Variants in ASAP1 observed in about 807,000 individuals in gnomAD.
ASAP1 encodes the protein arf-GAP with SH3 domain, ANK repeat and PH domain-containing protein 1.
Under a neutral mutation model 145.2 loss-of-function variants are expected in ASAP1, and 43 were observed. The ratio of observed to expected loss-of-function variants is 0.30; its 90% CI spans 0.23 to 0.38. The LOEUF is 0.38. Ranked by LOEUF, ASAP1 falls within the 10% of genes least tolerant of loss-of-function variation. The pLI is 1.00. For synonymous variants in ASAP1, 546 were observed against 515.5 expected, an observed-to-expected ratio of 1.06 and a Z score of -0.80; for missense variants, 1,018 against 1,355.3, an observed-to-expected ratio of 0.75 and a Z score of 3.91.
intron 2 of ASAP1, among the ~76,000 whole-genome samples, chr8:130,396,352 T>C (rs1264544404): frequency 1.3e-5 from 2 of 152,204 alleles, no homozygotes; most frequent in East Asian, 3.8e-4. Flanking sequence ...CAGTCGCTGC[T>C]TAATAAATTT....
intron 2 of ASAP1, among the ~76,000 whole-genome samples, chr8:130,377,306 A>G (rs1827549256): frequency 6.6e-6 from 1 of 152,136 alleles, no homozygotes; most frequent in Admixed American, 6.5e-5. Context: ...GGGTGCACCA[A>G]AAGCTCACAA....
intron 11 of ASAP1, among the ~76,000 whole-genome samples, chr8:130,162,460 CAGGAAAATTACTCAATT>C (rs1298617757): frequency 2.0e-5 from 3 of 152,108 alleles, no homozygotes; most frequent in Non-Finnish European, 2.9e-5. Flanking sequence ...AACAAAATCA[CAGGAAAATTACTCAATT>C]ATGAATTTGG....
chr8:130,397,932 T>C lies in ASAP1; in HGVS notation c.59+3953A>G, dbSNP rs74907210. ...GTCATGTCTACAGCATGGACCTTTG[T>C]ATCCCAGGCATCCTAGCCAGGTTAC... is the stretch of plus-strand genomic sequence containing the variant. On this transcript the variant is annotated intron_variant, in intron 2 of 29. Transcript: ENST00000518721. 4.7e-4 allele frequency among the ~76,000 whole-genome samples: 71 copies of C among 152,374 alleles called. No homozygotes were observed. The East Asian group carries it at 0.011, about 24-fold the overall frequency.
rs530749285 is a variant in ASAP1 at position 130,318,768 on chromosome 8, T to G, written c.186+39249A>C. Among the ~76,000 whole-genome samples the G allele has an allele frequency of 3.9e-5, 6 of 152,236 alleles. No homozygotes were observed. In the South Asian group the frequency reaches 1.2e-3, roughly 32 times the overall value. ...TGTTCATCTAACTTCAAATATAGAC[T>G]AGACACTTAAAAAAGCGTTTCCCCT... is the stretch of plus-strand genomic sequence containing the variant. On this transcript the variant is annotated intron_variant, in intron 3 of 29. Coordinates refer to ENST00000518721, the MANE Select transcript of ASAP1 (RefSeq NM_018482.4).
intron 2 of ASAP1, among the ~76,000 whole-genome samples, chr8:130,386,292 C>T (rs1828012748): frequency 6.6e-6 from 1 of 152,184 alleles, no homozygotes; most frequent in Admixed American, 6.5e-5. Flanking sequence ...TCCTCTCTTA[C>T]CTAAGCCAGT....
intron 3 of ASAP1, among the ~76,000 whole-genome samples, chr8:130,340,301 G>A (rs1825295611): frequency 6.6e-6 from 1 of 152,300 alleles, no homozygotes; most frequent in African/African-American, 2.4e-5. Context: ...GAAGAAGACA[G>A]GGCTCTGCAG....
intron 2 of ASAP1, among the ~76,000 whole-genome samples, chr8:130,394,931 A>C (rs1450794570): frequency 2.6e-5 from 4 of 152,214 alleles, no homozygotes; most frequent in African/African-American, 9.6e-5. Flanking sequence ...CAGAACCAGG[A>C]GAGGAGCCTG....
chr8:130,283,608 A>C (rs1821404318), intron 3 of ASAP1, among the ~76,000 whole-genome samples: 1 of 139,552 alleles, frequency 7.2e-6, no homozygotes. Flanking sequence ...AAAAAAAAAA[A>C]AAAAAAGAAG....
intron 3 of ASAP1, among the ~76,000 whole-genome samples, chr8:130,256,112 G>A (rs1819497932): frequency 6.6e-6 from 1 of 152,188 alleles, no homozygotes; most frequent in Admixed American, 6.5e-5. Flanking sequence ...ACAGGGATGA[G>A]GTACCAACCT....
chr8:130,066,548 TTTTCTTTCTCATTC>T (rs2097431125), intron 27 of ASAP1, among the ~76,000 whole-genome samples: 1 of 152,160 alleles, frequency 6.6e-6, no homozygotes, highest in Non-Finnish European at 1.5e-5. Context: ...CTTCCCTTTC[TTTTCTTTCTCATTC>T]TTTCTTTCTT....
chr8:130,437,271 A>G (rs1020584258), intron 1 of ASAP1, among the ~76,000 whole-genome samples: 13 of 152,234 alleles, frequency 8.5e-5, no homozygotes, highest in Non-Finnish European at 1.8e-4. Context: ...GAGGAATAAC[A>G]TAGAGTCCCA....
chr8:130,077,649 G>T (rs1270312478), intron 26 of ASAP1, among the ~76,000 whole-genome samples: 1 of 145,920 alleles, frequency 6.9e-6, no homozygotes, highest in African/African-American at 2.5e-5. Context: ...GGGATCAAGC[G>T]ATTCTTGTGC....
intron 3 of ASAP1, among the ~76,000 whole-genome samples, chr8:130,334,436 G>A (rs1824905571): frequency 6.6e-6 from 1 of 152,168 alleles, no homozygotes; most frequent in Non-Finnish European, 1.5e-5. Context: ...TTCAGCTAGA[G>A]TTCAGAGACA....
chr8:130,071,060 C>T lies in ASAP1; in HGVS notation c.2701+5288G>A, dbSNP rs534418518. ...AGAGAGAGAGAGAAAGCAGAGTTTC[C>T]CCAAATCATCTAAGAAAAAAAAGTA... On this transcript the variant is annotated intron_variant, in intron 27 of 29. Transcript: ENST00000518721. Among the ~76,000 whole-genome samples, 66 of 112,356 alleles carry T rather than the reference C, an allele frequency of 5.9e-4. 1 individual carries two copies. Among genetic ancestry groups the T allele is most frequent in the Non-Finnish European group, 7.0e-4 (40 of 57,458 alleles). The allele number at this position is 112,356 out of a possible 152,430, so 73.7% of individuals were successfully genotyped here.
rs1344421937 is a variant in ASAP1 at position 130,358,810 on chromosome 8, C to A, written c.60-667G>T. 2.0e-5 allele frequency among the ~76,000 whole-genome samples: 3 copies of A among 150,844 alleles called. No homozygotes were observed. Among genetic ancestry groups the A allele is most frequent in the Admixed American group, 6.6e-5 (1 of 15,174 alleles). On this transcript the variant is annotated intron_variant, in intron 2 of 29. Transcript: ENST00000518721. The surrounding 1 kb of genome is among the most constrained non-coding windows in gnomAD (Gnocchi z 4.1). ...CTGGCTCCGAAGCTGCCGCTCCCGA[C>A]CCCGGCTGCGCGGCACGGGGGCTCC...
At position 130,072,500 on chromosome 8, in the gene ASAP1, A is replaced by G. The variant is rs567864482; in HGVS notation, c.2701+3848T>C. 1.9e-3 allele frequency among the ~76,000 whole-genome samples: 271 copies of G among 141,712 alleles called. 1 individual carries two copies. The highest frequency in any genetic ancestry group is 6.7e-3 in the African/African-American group (262 of 39,156). 93.0% of individuals were successfully genotyped at this position (141,712 alleles called of 152,430 possible). On this transcript the variant is annotated intron_variant, in intron 27 of 29. Coordinates refer to ENST00000518721, the MANE Select transcript of ASAP1 (RefSeq NM_018482.4). ...ATGATTGCGAGGCCTCCCCTGCCAC[A>G]TGGAACTGTGAGTCCATTAAACTTC...
intron 4 of ASAP1, among the ~76,000 whole-genome samples, chr8:130,219,192 ATG>A (rs964209318): frequency 4.1e-5 from 5 of 123,038 alleles, no homozygotes; most frequent in Admixed American, 2.3e-4. Context: ...CAGGTCTCAC[ATG>A]TCTTTTTTTT....
intron 4 of ASAP1, among the ~76,000 whole-genome samples, chr8:130,234,075 C>G (rs1276359002): frequency 6.6e-6 from 1 of 151,942 alleles, no homozygotes; most frequent in Non-Finnish European, 1.5e-5. Context: ...TCAGGTGATC[C>G]TAATCAACAA....
At chr8:130,393,144 A>G (rs1828364680) in intron 2 of ASAP1, among the ~76,000 whole-genome samples, 1 of 151,992 alleles carries the variant, frequency 6.6e-6, no homozygotes, top group South Asian at 2.1e-4. Flanking sequence ...CCCACTGCTC[A>G]TTGTAGAGCA....
Sources: allele counts gnomAD v4.1 joint callset (sites outside exome capture counted in the v4.1 genomes callset), GRCh38; gene constraint gnomAD v4.1.1; non-coding constraint Gnocchi (gnomAD v3.1); transcripts MANE v1.5; gene names NCBI Gene and HGNC (gene_info 2026-07-23, HGNC 2026-07-21).